The following YAP1 variants were observed in gnomAD, a reference collection of about 807,000 sequenced individuals.
YAP1 encodes the protein transcriptional coactivator YAP1.
A neutral mutation model predicts 56.9 loss-of-function variants in YAP1; 5 were observed. The ratio of observed to expected loss-of-function variants is 0.09; its 90% CI spans 0.05 to 0.18. The LOEUF (loss-of-function observed/expected upper bound fraction) is 0.18, where lower values mean the gene tolerates loss of function less well. Among genes scored for constraint, YAP1 ranks in the 10% least tolerant of loss-of-function variants. YAP1 has a pLI of 1.00. For synonymous variants in YAP1, 265 were observed against 248.1 expected (o/e 1.07, Z -0.64); for missense variants, 539 against 651.8 (o/e 0.83, Z 1.88).
chr11:102,110,991 C>T lies in YAP1; in HGVS notation c.143C>T (p.Pro48Leu), dbSNP rs778781036. 2 of 1,556,358 alleles carry T rather than the reference C, an allele frequency of 1.3e-6. No homozygotes were observed. The highest frequency in any genetic ancestry group is 1.9e-5 in the Admixed American group (1 of 52,824). ...GCGACCCAGGCGGCGCCGCAGGCAC[C>T]CCCCGCCGGGCATCAGATCGTGCAC... ...PAATQAAPQA[P>L]PAGHQIVHVR... Residue 48 changes from proline to leucine, a missense_variant, in exon 1 of 9, where the codon CCC becomes CTC. Physicochemically the swap from Pro to Leu is moderately conservative, Grantham distance 98. Transcript: ENST00000282441.
intron 4 of YAP1, among the ~76,000 whole-genome samples, chr11:102,196,483 A>G (rs951045608): frequency 1.3e-5 from 2 of 152,176 alleles, no homozygotes; most frequent in Non-Finnish European, 2.9e-5. Context: ...TATATTGCTT[A>G]ATTCCATTTT....
At chr11:102,183,938 GTA>G (rs1947793872) in intron 3 of YAP1, among the ~76,000 whole-genome samples, 1 of 150,896 alleles carries the variant, frequency 6.6e-6, no homozygotes, top group South Asian at 2.1e-4. Flanking sequence ...TTAGCCGGGC[GTA>G]GTGGCGGGCG....
At chr11:102,140,164 G>T (rs1267371704) in intron 2 of YAP1, among the ~76,000 whole-genome samples, 1 of 147,770 alleles carries the variant, frequency 6.8e-6, no homozygotes, top group African/African-American at 2.5e-5. Context: ...AAAATTGGGT[G>T]TTGTTGCATG....
chr11:102,124,946 A>G (rs939840126), intron 2 of YAP1, among the ~76,000 whole-genome samples: 36 of 152,002 alleles, frequency 2.4e-4, no homozygotes, highest in African/African-American at 8.2e-4. Flanking sequence ...CATGTTTCCC[A>G]TGGTTGGTCT....
chr11:102,163,155 A>T (rs796598350), intron 3 of YAP1, among the ~76,000 whole-genome samples: 73 of 152,282 alleles, frequency 4.8e-4, no homozygotes, highest in African/African-American at 1.7e-3. Context: ...TTACTAGAAG[A>T]TAAACCTGAG....
chr11:102,164,736 CTTTTGGATGGAG>C (rs1946498001), intron 3 of YAP1, among the ~76,000 whole-genome samples: 1 of 146,178 alleles, frequency 6.8e-6, no homozygotes, highest in Admixed American at 6.7e-5. Context: ...TGTTTTTTTT[CTTTTGGATGGAG>C]TTTTGCTCTT....
chr11:102,166,108 A>G (rs1352330448), intron 3 of YAP1, among the ~76,000 whole-genome samples: 1 of 152,210 alleles, frequency 6.6e-6, no homozygotes, highest in Non-Finnish European at 1.5e-5. Flanking sequence ...TCCGCAACAC[A>G]TCGATTCTAG....
In YAP1 at chr11:102,137,819, A is replaced by G. The variant is rs377026271; in HGVS notation, c.572+23425A>G. Reference sequence around the variant, plus strand: ...CATTAACCTTGTAAGATCTTCTAAAAGTGTTTACAACACAGCTTATAATTA... The same window carrying G: ...CATTAACCTTGTAAGATCTTCTAAAGGTGTTTACAACACAGCTTATAATTA... On this transcript the variant is annotated intron_variant, in intron 2 of 8. Transcript: ENST00000282441. Among the ~76,000 whole-genome samples the G allele has an allele frequency of 2.5e-3, 381 of 151,706 alleles. 2 individuals carry two copies. The highest frequency in any genetic ancestry group is 8.9e-3 in the African/African-American group (367 of 41,356).
At chr11:102,121,070 C>T (rs1943618041) in intron 2 of YAP1, among the ~76,000 whole-genome samples, 1 of 151,386 alleles carries the variant, frequency 6.6e-6, no homozygotes, top group Admixed American at 6.6e-5. Flanking sequence ...TCCCCACCAT[C>T]CATGAGTTTC....
intron 2 of YAP1, among the ~76,000 whole-genome samples, chr11:102,134,061 A>G (rs1944528960): frequency 6.6e-6 from 1 of 152,204 alleles, no homozygotes; most frequent in Admixed American, 6.5e-5. Flanking sequence ...CAAAGACCCT[A>G]TCTCCAAATG....
intron 4 of YAP1, among the ~76,000 whole-genome samples, chr11:102,202,946 C>T (rs1457655473): frequency 6.6e-6 from 1 of 152,172 alleles, no homozygotes; most frequent in Non-Finnish European, 1.5e-5. Context: ...AATGGAAAAG[C>T]ATGCTGCATA....
intron 3 of YAP1, among the ~76,000 whole-genome samples, chr11:102,168,429 G>C (rs1396680227): frequency 6.7e-6 from 1 of 149,012 alleles, no homozygotes; most frequent in Non-Finnish European, 1.5e-5. Flanking sequence ...ATGTACATTT[G>C]ATAACAACCC....
At chr11:102,122,407 A>G (rs1943713972) in intron 2 of YAP1, among the ~76,000 whole-genome samples, 2 of 147,338 alleles carry the variant, frequency 1.4e-5, no homozygotes, top group African/African-American at 5.2e-5. Context: ...CCTGGGCAAC[A>G]GAGCCAGACT....
In YAP1 at chr11:102,120,382, C is replaced by T. The variant is rs535375159; in HGVS notation, c.572+5988C>T. Among the ~76,000 whole-genome samples the T allele has an allele frequency of 1.4e-4, 21 of 152,282 alleles. No individual in the cohort carries two copies. The East Asian group carries it at 3.3e-3, about 24-fold the overall frequency. ...GAAGAATCATAATTTTTAAACACAC[C>T]AACCAAGTGATAGTCTGTTGTTTCT... On this transcript the variant is annotated intron_variant, in intron 2 of 8. Coordinates refer to ENST00000282441, the MANE Select transcript of YAP1 (RefSeq NM_001130145.3).
intron 4 of YAP1, among the ~76,000 whole-genome samples, chr11:102,195,929 G>T (rs1948550046): frequency 6.6e-6 from 1 of 152,162 alleles, no homozygotes; most frequent in Admixed American, 6.5e-5. Context: ...GGATGTTAGA[G>T]CAGGTGAACT....
At chr11:102,171,815 A>C (rs572302677) in intron 3 of YAP1, among the ~76,000 whole-genome samples, 120 of 152,214 alleles carry the variant, frequency 7.9e-4, no homozygotes, top group Non-Finnish European at 1.4e-3. Context: ...CATTCTACAA[A>C]TATCAAATGC....
chr11:102,112,733 C>A, intron 1 of YAP1: 1 of 985,348 alleles, frequency 1.0e-6, no homozygotes. Flanking sequence ...CTAAACACTT[C>A]AATTTGTCTT....
chr11:102,211,978 C>T (rs1291354012), intron 6 of YAP1, among the ~76,000 whole-genome samples: 1 of 152,192 alleles, frequency 6.6e-6, no homozygotes, highest in East Asian at 1.9e-4. Context: ...ACTGGTATTA[C>T]AGGCGTGAGC....
At chr11:102,203,778 G>T (rs901677339) in intron 4 of YAP1, among the ~76,000 whole-genome samples, 2 of 152,094 alleles carry the variant, frequency 1.3e-5, no homozygotes, top group African/African-American at 2.4e-5. Flanking sequence ...TTTTGGAATA[G>T]AACAGTCATG....
Sources: allele counts gnomAD v4.1 joint callset (sites outside exome capture counted in the v4.1 genomes callset), GRCh38; gene constraint gnomAD v4.1.1; transcripts MANE v1.5; gene names NCBI Gene and HGNC (gene_info 2026-07-23, HGNC 2026-07-21).